Variants in STAG3 observed in about 807,000 individuals in gnomAD.
STAG3 encodes STAG3 cohesin complex component, also known as cohesin subunit SA-3.
Under a neutral mutation model 160.7 loss-of-function variants are expected in STAG3, and 101 were observed. The observed-to-expected ratio is 0.63, with a 90% CI of 0.54 to 0.74. STAG3 has a LOEUF of 0.74. Ranked by LOEUF, STAG3 falls within the 30% of genes least tolerant of loss-of-function variation. The pLI, the probability that STAG3 is intolerant of heterozygous loss-of-function variation, is 0.00. For synonymous variants in STAG3, 519 were observed against 585.0 expected, an observed-to-expected ratio of 0.89 and a Z score of 1.63; for missense variants, 1,188 against 1,517.4, an observed-to-expected ratio of 0.78 and a Z score of 3.61.
Position 100,214,021 on chromosome 7 carries a change from C to T in STAG3, c.*6C>T, listed in dbSNP as rs780188376. Reference sequence around the variant, plus strand: ...TCTCATTATAGGATTTCTGACAGGACTCTGGGCCCCTCCCCAGCTCCACTC... The same window carrying T: ...TCTCATTATAGGATTTCTGACAGGATTCTGGGCCCCTCCCCAGCTCCACTC... On this transcript the variant is annotated 3_prime_UTR_variant, in exon 34 of 34. Transcript: ENST00000615138. The T allele has an allele frequency of 2.5e-6, 4 of 1,614,124 alleles. No individual in the cohort carries two copies. In the Admixed American group the frequency reaches 6.7e-5, roughly 27 times the overall value.
intron 25 of STAG3, 41 bp downstream of exon 25, chr7:100,202,631 G>A (rs1584736124): frequency 6.3e-7 from 1 of 1,594,952 alleles, no homozygotes; most frequent in African/African-American, 1.3e-5. Flanking sequence ...AAGGGAGCAA[G>A]TTGAGCACAG....
chr7:100,178,436 T>A (rs1368045215), intron 1 of STAG3, among the ~76,000 whole-genome samples: 1 of 152,038 alleles, frequency 6.6e-6, no homozygotes, highest in Non-Finnish European at 1.5e-5. Context: ...CTTCTTGTAT[T>A]TTTTTTCTTA....
chr7:100,211,714 C>A, intron 31 of STAG3, 81 bp from the exon 32 acceptor site: 1 of 1,503,170 alleles, frequency 6.7e-7, no homozygotes, highest in Non-Finnish European at 9.2e-7. Flanking sequence ...CTCCCCACTT[C>A]CCCCACCCCG....
At chr7:100,197,635 GT>G (rs755201335) in intron 10 of STAG3, 142 bp from the exon 11 acceptor site, 52 of 746,598 alleles carry the variant, frequency 7.0e-5, no homozygotes, top group Non-Finnish European at 9.3e-5. Flanking sequence ...GCTGTTCATT[GT>G]TTCTGACATC....
chr7:100,195,318 C>T lies in STAG3; in HGVS notation c.877C>T (p.His293Tyr). 1.2e-6 allele frequency: 2 copies of T among 1,614,132 alleles called. No individual in the cohort carries two copies. The highest frequency in any genetic ancestry group is 1.7e-6 in the Non-Finnish European group (2 of 1,180,002). ...TCTCCCTGTCCTCCAGCTCCAAGAGCATCAAGAGGAGATTGAGGGGATGAT... is the reference window on the plus strand; with the variant it reads ...TCTCCCTGTCCTCCAGCTCCAAGAGTATCAAGAGGAGATTGAGGGGATGAT... ...LLEKRKELQEHQEEIEGMMNA... is the reference protein window; with the variant it reads ...LLEKRKELQEYQEEIEGMMNA... Residue 293 changes from histidine (H) to tyrosine (Y), a missense_variant, in exon 9 of 34, where the codon CAT becomes TAT. Physicochemically the swap from His to Tyr is moderately conservative, Grantham distance 83. This residue lies in a region of STAG3 where 296 missense variants were observed against 404.0 expected (regional missense o/e 0.73). Coordinates refer to ENST00000615138, the MANE Select transcript of STAG3 (RefSeq NM_001282717.2).
At position 100,202,375 on chromosome 7, in the gene STAG3, C is replaced by T. The variant is rs565017978; in HGVS notation, c.2563+35C>T. ...CTCTATACCTGGGGCTCAGTAAGGG[C>T]TGGGGCTTGGGTGTAGCTCAGAAAT... is the stretch of plus-strand genomic sequence containing the variant. On this transcript the variant is annotated intron_variant, in intron 24 of 33. Coordinates refer to ENST00000615138, the MANE Select transcript of STAG3 (RefSeq NM_001282717.2). The T allele has an allele frequency of 2.5e-5, 40 of 1,611,172 alleles. No individual in the cohort carries two copies. In the African/African-American group the frequency reaches 4.4e-4, roughly 18 times the overall value.
intron 2 of STAG3, among the ~76,000 whole-genome samples, chr7:100,181,059 C>A (rs1410811083): frequency 2.6e-5 from 4 of 152,056 alleles, no homozygotes; most frequent in Non-Finnish European, 5.9e-5. Flanking sequence ...ATGTACCAAC[C>A]CTGGTGGGGG....
Position 100,182,014 on chromosome 7 carries a change from G to A in STAG3, c.117-76G>A. On this transcript the variant is annotated intron_variant, in intron 2 of 33. Coordinates refer to ENST00000615138, the MANE Select transcript of STAG3 (RefSeq NM_001282717.2). ...GAGATGGGGTGCGGTGAGAGACAGA[G>A]AAACCATAATTAATTAGCCTTTTAT... 3.6e-6 allele frequency: 4 copies of A among 1,100,306 alleles called. No homozygotes were observed. In the South Asian group the frequency reaches 4.0e-5, roughly 11 times the overall value. 68.2% of individuals were successfully genotyped at this position (1,100,306 alleles called of 1,614,324 possible).
rs1801421164 is a variant in STAG3 at position 100,204,222 on chromosome 7, T to C, written c.2802+100T>C. 5 of 913,718 alleles carry C rather than the reference T, an allele frequency of 5.5e-6. No homozygotes were observed. The East Asian group carries it at 1.2e-4, about 23-fold the overall frequency. The allele number at this position is 913,718 out of a possible 1,614,324, so 56.6% of individuals were successfully genotyped here. A position where few individuals can be genotyped will look rare whatever the true frequency, so the allele number is the denominator to read the frequency against. ...GTAAGATCCTTCAGAGCAGTAACTT[T>C]TCTTGTTTTGACTCTTAACTTTACG... On this transcript the variant is annotated intron_variant, in intron 26 of 33. Coordinates refer to ENST00000615138, the MANE Select transcript of STAG3 (RefSeq NM_001282717.2).
intron 16 of STAG3, chr7:100,200,002 C>T (rs1335311220): frequency 2.3e-6 from 1 of 441,726 alleles, no homozygotes; most frequent in Non-Finnish European, 4.0e-6. Context: ...GGAGGTGGAG[C>T]TTGCAGTGAG....
rs1294497682 is a variant in STAG3, at chr7:100,180,167, C to T, written c.-64-326C>T. ...AACTCCTGGACTCAAGCAATCCTCC[C>T]ACCTCAGCCTCCTGAATAGCTGAAT... On this transcript the variant is annotated intron_variant, in intron 1 of 33. Coordinates refer to ENST00000615138, the MANE Select transcript of STAG3 (RefSeq NM_001282717.2). 2.0e-5 allele frequency among the ~76,000 whole-genome samples: 3 copies of T among 152,090 alleles called. No individual in the cohort carries two copies. In the East Asian group the frequency reaches 5.8e-4, roughly 29 times the overall value.
rs114537080 is a variant in STAG3 at position 100,199,405 on chromosome 7, C to A, written c.1573+38C>A. 8.6e-4 allele frequency: 1,371 copies of A among 1,589,042 alleles called. 16 individuals carry two copies. The African/African-American group carries it at 0.017, about 20-fold the overall frequency. On this transcript the variant is annotated intron_variant, in intron 15 of 33. Transcript: ENST00000615138. ...CGGAGCCAGGGACAGGGACCTTCCA[C>A]CCCCTAGGGTGAAACTGGGAGGGAT...
intron 27 of STAG3, 96 bp from the exon 28 acceptor site, chr7:100,204,909 T>C (rs932959437): frequency 3.5e-5 from 54 of 1,562,730 alleles, no homozygotes; most frequent in Non-Finnish European, 4.4e-5. Context: ...GGAGACAAGC[T>C]GGGGACGGGG....
intron 29 of STAG3, among the ~76,000 whole-genome samples, chr7:100,210,447 C>T (rs1018172220): frequency 2.6e-5 from 4 of 152,202 alleles, no homozygotes; most frequent in Admixed American, 6.5e-5. Flanking sequence ...ATAAGTCCCC[C>T]TTCATATCAT....
rs1325396308 is a variant in STAG3 at position 100,202,201 on chromosome 7, C to G, written c.2424C>G (p.Leu808=). ...QAFVLLSDLL[L]IFSPQMIVGG... The stretch of plus-strand genomic sequence containing the variant: ...TTGTCTTATTAAGTGATCTACTTCT[C>G]ATCTTTAGCCCTCAGATGATTGTTG... The change falls in exon 24 of 34, where the codon CTC becomes CTG. Residue 808 remains leucine (L), a synonymous_variant. Coordinates refer to ENST00000615138, the MANE Select transcript of STAG3 (RefSeq NM_001282717.2). 3.7e-6 allele frequency: 6 copies of G among 1,613,868 alleles called. No individual in the cohort carries two copies. In the Admixed American group the frequency reaches 1.0e-4, roughly 27 times the overall value.
intron 25 of STAG3, among the ~76,000 whole-genome samples, chr7:100,203,334 C>T (rs999061991): frequency 6.6e-6 from 1 of 151,596 alleles, no homozygotes; most frequent in African/African-American, 2.4e-5. Context: ...TACAGGCATG[C>T]GCTGCCACGC....
At chr7:100,201,489 C>A in intron 21 of STAG3, 138 bp downstream of exon 21, 1 of 716,116 alleles carries the variant, frequency 1.4e-6, no homozygotes, top group Non-Finnish European at 2.4e-6. Flanking sequence ...GTGGGGGTCA[C>A]CTCTTACATT....
intron 8 of STAG3, among the ~76,000 whole-genome samples, chr7:100,194,226 G>T (rs1019384216): frequency 1.5e-4 from 23 of 152,162 alleles, no homozygotes; most frequent in Admixed American, 1.1e-3. Context: ...TTATAGGTGT[G>T]AGCCACTGCA....
At chr7:100,206,505 TC>T (rs1436650484) in intron 29 of STAG3, among the ~76,000 whole-genome samples, 7 of 151,888 alleles carry the variant, frequency 4.6e-5, no homozygotes, top group African/African-American at 1.7e-4. Context: ...GGAATCTCGC[TC>T]TGTCACCCAG....
Sources: allele counts gnomAD v4.1 joint callset (sites outside exome capture counted in the v4.1 genomes callset), GRCh38; gene constraint gnomAD v4.1.1; regional missense constraint gnomAD v4.1.1; transcripts MANE v1.5; gene names NCBI Gene and HGNC (gene_info 2026-07-23, HGNC 2026-07-21).